ZNF367: variants seen among roughly 807,000 people sequenced by gnomAD.
ZNF367 encodes zinc finger protein 367, also known as C2H2 zinc finger protein ZFF29.
In ZNF367, 11 loss-of-function variants were observed where a neutral mutation model predicts 31.8. That is an observed-to-expected ratio of 0.35 (90% CI 0.22 to 0.57). The LOEUF (loss-of-function observed/expected upper bound fraction) is 0.57. Among genes scored for constraint, ZNF367 ranks in the 20% least tolerant of loss-of-function variants. The pLI is 0.85. For missense variants in ZNF367, 353 were observed against 484.1 expected (o/e 0.73, Z 2.54); for synonymous variants, 199 against 202.4 (o/e 0.98, Z 0.14).
At chr9:96,405,337 A>AAAAAAAAAC (rs60465556) in intron 1 of ZNF367, among the ~76,000 whole-genome samples, 1 of 149,918 alleles carries the variant, frequency 6.7e-6, no homozygotes, top group Non-Finnish European at 1.5e-5. Context: ...AAAAAAAAAA[A>AAAAAAAAAC]TCCTCAAAAT....
At chr9:96,400,843 A>G (rs996389333) in intron 1 of ZNF367, among the ~76,000 whole-genome samples, 6 of 152,180 alleles carry the variant, frequency 3.9e-5, no homozygotes, top group African/African-American at 1.2e-4. Context: ...AAGAAGCTCA[A>G]TACACTTCAA....
At chr9:96,406,612 C>T (rs1295242314) in intron 1 of ZNF367, among the ~76,000 whole-genome samples, 2 of 152,086 alleles carry the variant, frequency 1.3e-5, no homozygotes, top group African/African-American at 4.8e-5. Context: ...AGGCAGCGTA[C>T]TAAACAGGAA....
intron 1 of ZNF367, among the ~76,000 whole-genome samples, chr9:96,415,478 CATTTTTTTTTT>C (rs1831810261): frequency 1.1e-4 from 7 of 65,520 alleles, no homozygotes; most frequent in South Asian, 1.2e-3. Flanking sequence ...TTAGTTTCTT[CATTTTTTTTTT>C]TTTTTTTTTT....
chr9:96,410,184 T>A (rs1191303198), intron 1 of ZNF367, among the ~76,000 whole-genome samples: 1 of 141,266 alleles, frequency 7.1e-6, no homozygotes, highest in Non-Finnish European at 1.5e-5. Context: ...GGCGTGGACC[T>A]GGGAGGCGGA....
At chr9:96,413,869 T>C (rs183212814) in intron 1 of ZNF367, among the ~76,000 whole-genome samples, 162 of 152,248 alleles carry the variant, frequency 1.1e-3, no homozygotes, top group African/African-American at 3.7e-3. Flanking sequence ...TGGCAAAGAA[T>C]AGACAGTAAA....
Position 96,392,515 on chromosome 9 carries a change from T to C in ZNF367, c.713A>G (p.His238Arg). 1 of 1,608,060 alleles carries C rather than the reference T, an allele frequency of 6.2e-7. No individual in the cohort carries two copies. Among genetic ancestry groups the C allele is most frequent in the Non-Finnish European group, 8.5e-7 (1 of 1,174,786 alleles). Reference protein sequence around the residue: ...SENGCLSRFTHANRHCPKHPY... With the variant: ...SENGCLSRFTRANRHCPKHPY... ...GTGCTTCGGACAGTGGCGGTTTGCA[T>C]GGGTGAATCTGCTCAGGCAGCCTTC... The change falls in exon 4 of 5, where the codon CAT becomes CGT. Residue 238 changes from histidine to arginine, a missense_variant. By Grantham distance (29) the His-to-Arg change is conservative (BLOSUM62 0). Coordinates refer to ENST00000375256, the MANE Select transcript of ZNF367 (RefSeq NM_153695.4).
At chr9:96,403,978 C>T (rs1272597242) in intron 1 of ZNF367, among the ~76,000 whole-genome samples, 13 of 148,864 alleles carry the variant, frequency 8.7e-5, no homozygotes, top group Non-Finnish European at 3.0e-5. Flanking sequence ...TGGATTGTTT[C>T]AGCCCAAAAA....
chr9:96,400,392 C>CA (rs57650386), intron 1 of ZNF367, among the ~76,000 whole-genome samples: 22,815 of 71,402 alleles, frequency 0.32, 3,413 homozygotes, highest in African/African-American at 0.47. Flanking sequence ...GACCCTGTCT[C>CA]AAAAAAAAAA....
In ZNF367 at chr9:96,386,542, A is replaced by G. The variant is rs112865647; in HGVS notation, c.*1695T>C. 5.9e-5 allele frequency: 9 copies of G among 152,076 alleles called. No individual in the cohort carries two copies. The highest frequency in any genetic ancestry group is 1.9e-4 in the African/African-American group (8 of 41,458). The allele number at this position is 152,076 out of a possible 1,614,324, so 9.4% of individuals were successfully genotyped here. A position where few individuals can be genotyped will look rare whatever the true frequency, so the allele number is the denominator to read the frequency against. On this transcript the variant is annotated 3_prime_UTR_variant, in exon 5 of 5. Coordinates refer to ENST00000375256, the MANE Select transcript of ZNF367 (RefSeq NM_153695.4). Reference sequence around the variant, plus strand: ...TATAAGTGCTCCAAATTAAAATTCTATATACCACATTACAAAAAAATTCTT... The same window carrying G: ...TATAAGTGCTCCAAATTAAAATTCTGTATACCACATTACAAAAAAATTCTT...
At chr9:96,397,398 A>C (rs893383008) in intron 2 of ZNF367, among the ~76,000 whole-genome samples, 5 of 152,140 alleles carry the variant, frequency 3.3e-5, no homozygotes, top group African/African-American at 9.7e-5. Context: ...TAATCTTGAG[A>C]TGGCTGCCTA....
In ZNF367 at chr9:96,392,547, C is replaced by T; in HGVS notation, c.692-11G>A. On this transcript the variant is annotated splice_polypyrimidine_tract_variant and intron_variant, in intron 3 of 4. Coordinates refer to ENST00000375256, the MANE Select transcript of ZNF367 (RefSeq NM_153695.4). The stretch of plus-strand genomic sequence containing the variant: ...ATCTGCTCAGGCAGCCTTCAAAACA[C>T]AAGGTTAACACCTGTCAGGATCTGG... 1.9e-6 allele frequency: 3 copies of T among 1,596,358 alleles called. 1 individual carries two copies. The East Asian group carries it at 6.8e-5, about 36-fold the overall frequency.
intron 3 of ZNF367, among the ~76,000 whole-genome samples, chr9:96,393,203 T>C (rs1053712571): frequency 2.6e-5 from 4 of 152,256 alleles, no homozygotes; most frequent in South Asian, 2.1e-4. Flanking sequence ...CTCAGCTTTG[T>C]TGGTAACAAG....
At chr9:96,390,553 A>G (rs1831459912) in intron 4 of ZNF367, among the ~76,000 whole-genome samples, 2 of 152,166 alleles carry the variant, frequency 1.3e-5, no homozygotes, top group African/African-American at 2.4e-5. Flanking sequence ...GTTAGTAAGG[A>G]GGTAGATGTC....
intron 1 of ZNF367, among the ~76,000 whole-genome samples, chr9:96,408,065 G>A (rs1831695476): frequency 6.6e-6 from 1 of 152,118 alleles, no homozygotes; most frequent in Non-Finnish European, 1.5e-5. Flanking sequence ...CCTGTCGCGG[G>A]GTGGCGGGAG....
At chr9:96,390,968 G>A (rs1424023505) in intron 4 of ZNF367, among the ~76,000 whole-genome samples, 1 of 151,546 alleles carries the variant, frequency 6.6e-6, no homozygotes, top group Non-Finnish European at 1.5e-5. Context: ...GGCAGTAGGA[G>A]CTAACCAGGA....
intron 3 of ZNF367, among the ~76,000 whole-genome samples, chr9:96,393,644 C>T (rs2131071927): frequency 6.6e-6 from 1 of 152,258 alleles, no homozygotes; most frequent in African/African-American, 2.4e-5. Flanking sequence ...CCAGCCTGAC[C>T]AACATGGAGA....
In ZNF367 at chr9:96,388,404, T is replaced by C; in HGVS notation, c.886A>G (p.Lys296Glu). The change falls in exon 5 of 5, where the codon AAG (lysine) becomes GAG (glutamate). Residue 296 changes from lysine (K) to glutamate (E), a missense_variant. Lys to Glu is a moderately conservative substitution (Grantham distance 56). This residue lies in a region of ZNF367 where 101 missense variants were observed against 140.0 expected (regional missense o/e 0.72). Coordinates refer to ENST00000375256, the MANE Select transcript of ZNF367 (RefSeq NM_153695.4). ...GGGTCCTGCTGCTCCTGATCAGCCT[T>C]CTGAACCAGCTTGCCTTTCAAAGTG... ...TPTLKGKLVQ[K>E]ADQEQQDPLE... 6.2e-7 allele frequency: 1 copy of C among 1,614,070 alleles called. No homozygotes were observed. Among genetic ancestry groups the C allele is most frequent in the Non-Finnish European group, 8.5e-7 (1 of 1,180,034 alleles).
chr9:96,410,518 C>T (rs1380132415), intron 1 of ZNF367, among the ~76,000 whole-genome samples: 2 of 144,758 alleles, frequency 1.4e-5, no homozygotes, highest in East Asian at 4.1e-4. Context: ...GCCGAGATGG[C>T]ACCATTGCAC....
intron 1 of ZNF367, among the ~76,000 whole-genome samples, chr9:96,404,783 GTAC>G (rs1184657024): frequency 2.0e-5 from 3 of 151,964 alleles, no homozygotes; most frequent in Admixed American, 6.6e-5. Flanking sequence ...TAAAACTTTT[GTAC>G]ATCACAGGAC....
Sources: allele counts gnomAD v4.1 joint callset (sites outside exome capture counted in the v4.1 genomes callset), GRCh38; gene constraint gnomAD v4.1.1; regional missense constraint gnomAD v4.1.1; transcripts MANE v1.5; gene names NCBI Gene and HGNC (gene_info 2026-07-23, HGNC 2026-07-21).